The following RGS14 variants were observed in gnomAD, a reference collection of about 807,000 sequenced individuals.
RGS14 encodes the protein regulator of G protein signaling 14.
A neutral mutation model predicts 63.8 loss-of-function variants in RGS14; 33 were observed. The ratio of observed to expected loss-of-function variants is 0.52; its 90% CI spans 0.39 to 0.69. The LOEUF is 0.69. Among genes scored for constraint, RGS14 ranks in the 30% least tolerant of loss-of-function variants. The pLI is 0.00. For synonymous variants in RGS14, 296 were observed against 320.9 expected, an observed-to-expected ratio of 0.92 and a Z score of 0.83; for missense variants, 739 against 742.9, an observed-to-expected ratio of 0.99 and a Z score of 0.06.
In RGS14 at chr5:177,358,047, TG is replaced by T; in HGVS notation, c.26del (p.Gly9AlafsTer16). On this transcript the variant is annotated frameshift_variant, in exon 1 of 15. Transcript: ENST00000408923. LOFTEE classifies it high-confidence loss of function. The surrounding 1 kb of genome is among the most constrained non-coding windows in gnomAD (Gnocchi z 4.8). The part of the protein sequence containing the change: MPGKPKH[L>X]GVPNGRMVLA... ...GGCATGCCAGGGAAGCCCAAGCACC[TG>T]GGCGTCCCCAACGGGCGCATGGTGA... 2 of 1,356,766 alleles carry T rather than the reference TG, an allele frequency of 1.5e-6. No individual in the cohort carries two copies. Among genetic ancestry groups the T allele is most frequent in the Non-Finnish European group, 1.9e-6 (2 of 1,044,782 alleles). The allele number at this position is 1,356,766 out of a possible 1,614,324, so 84.0% of individuals were successfully genotyped here. A position where few individuals can be genotyped will look rare whatever the true frequency, so the allele number is the denominator to read the frequency against.
Position 177,364,673 on chromosome 5 carries a change from A to C in RGS14, c.46-1290A>C, listed in dbSNP as rs912278438. ...CAGAGAGGGGTTGAGGCCACATTGCATGAGTGGGAGATAGTGGGGAAGCTG... is the reference window on the plus strand; with the variant it reads ...CAGAGAGGGGTTGAGGCCACATTGCCTGAGTGGGAGATAGTGGGGAAGCTG... On this transcript the variant is annotated intron_variant, in intron 1 of 14. Transcript: ENST00000408923. This position sits in a 1 kb window ranked among gnomAD's most constrained non-coding sequence, Gnocchi z 4.6. Among the ~76,000 whole-genome samples, 10 of 152,182 alleles carry C rather than the reference A, an allele frequency of 6.6e-5. No individual in the cohort carries two copies. The highest frequency in any genetic ancestry group is 2.4e-4 in the African/African-American group (10 of 41,440).
Position 177,371,634 on chromosome 5 carries a change from G to C in RGS14, c.1498+45G>C. On this transcript the variant is annotated intron_variant, in intron 14 of 14. Coordinates refer to ENST00000408923, the MANE Select transcript of RGS14 (RefSeq NM_006480.5). The surrounding 1 kb of genome is among the most constrained non-coding windows in gnomAD (Gnocchi z 6.1). ...GGGATCAGAAAGACTAGGGCAGTGG[G>C]GTTGGGGACCATTCAGGGTGGCATC... 6.4e-7 allele frequency: 1 copy of C among 1,570,628 alleles called. No homozygotes were observed. Among genetic ancestry groups the C allele is most frequent in the Non-Finnish European group, 8.8e-7 (1 of 1,140,950 alleles).
Position 177,359,063 on chromosome 5 carries a change from C to A in RGS14, c.45+994C>A, listed in dbSNP as rs571658779. 6.6e-6 allele frequency among the ~76,000 whole-genome samples: 1 copy of A among 152,194 alleles called. No individual in the cohort carries two copies. Among genetic ancestry groups the A allele is most frequent in the Non-Finnish European group, 1.5e-5 (1 of 68,030 alleles). Reference sequence around the variant, plus strand: ...GAAATAATGCATATGAGGCCTTTGACCCATTGTGGGGGCTGCATAATTGTC... The same window carrying A: ...GAAATAATGCATATGAGGCCTTTGAACCATTGTGGGGGCTGCATAATTGTC... On this transcript the variant is annotated intron_variant, in intron 1 of 14. Coordinates refer to ENST00000408923, the MANE Select transcript of RGS14 (RefSeq NM_006480.5). The surrounding 1 kb of genome is among the most constrained non-coding windows in gnomAD (Gnocchi z 4.4).
chr5:177,365,964 T>C lies in RGS14; in HGVS notation c.47T>C (p.Val16Ala). The change falls in exon 2 of 15, where the codon GTT (valine) becomes GCT (alanine). Residue 16 changes from valine (V) to alanine (A), a missense_variant and splice_region_variant. Val to Ala is a moderately conservative substitution (Grantham distance 64). Coordinates refer to ENST00000408923, the MANE Select transcript of RGS14 (RefSeq NM_006480.5). ...CTTTCTCTGTTGGGTCTCTTATAGG[T>C]TCTGGCTGTGTCAGATGGAGGTAAG... ...KHLGVPNGRM[V>A]LAVSDGELSS... 6.2e-7 allele frequency: 1 copy of C among 1,614,120 alleles called. No homozygotes were observed. The highest frequency in any genetic ancestry group is 8.5e-7 in the Non-Finnish European group (1 of 1,179,938).
In RGS14 at chr5:177,372,090, T is replaced by C; in HGVS notation, c.*15T>C. The stretch of plus-strand genomic sequence containing the variant: ...CAGCCCTCTGACAGCTACCCAACAG[T>C]CCAGGACAGCTGCATGGCACCCGGC... On this transcript the variant is annotated 3_prime_UTR_variant, in exon 15 of 15. Transcript: ENST00000408923. 6.2e-7 allele frequency: 1 copy of C among 1,610,252 alleles called. No individual in the cohort carries two copies. The highest frequency in any genetic ancestry group is 8.5e-7 in the Non-Finnish European group (1 of 1,177,368).
At chr5:177,367,089 G>A in intron 5 of RGS14, 55 bp downstream of exon 5, 1 of 1,557,818 alleles carries the variant, frequency 6.4e-7, no homozygotes, top group Non-Finnish European at 8.7e-7. Context: ...AGCAGGGGCG[G>A]GGTCGGACCC....
intron 1 of RGS14, among the ~76,000 whole-genome samples, chr5:177,360,410 T>G (rs1355005563): frequency 6.6e-6 from 1 of 151,596 alleles, no homozygotes; most frequent in East Asian, 1.9e-4. Context: ...CCCATCTTCT[T>G]TTTAATTAGC....
chr5:177,359,282 A>T lies in RGS14; in HGVS notation c.45+1213A>T, dbSNP rs1457095015. ...AGAGGCCACCCTTCAAAGCCAGCTC[A>T]GCCCCCCATCTCACTGTCTGCAGTA... On this transcript the variant is annotated intron_variant, in intron 1 of 14. Coordinates refer to ENST00000408923, the MANE Select transcript of RGS14 (RefSeq NM_006480.5). This position sits in a 1 kb window ranked among gnomAD's most constrained non-coding sequence, Gnocchi z 4.4. Among the ~76,000 whole-genome samples, 3 of 152,034 alleles carry T rather than the reference A, an allele frequency of 2.0e-5. No homozygotes were observed. Among genetic ancestry groups the T allele is most frequent in the African/African-American group, 7.2e-5 (3 of 41,408 alleles).
rs1761902702 is a variant in RGS14, at chr5:177,359,310, G to A, written c.45+1241G>A. 6.6e-6 allele frequency among the ~76,000 whole-genome samples: 1 copy of A among 151,998 alleles called. No homozygotes were observed. The highest frequency in any genetic ancestry group is 1.9e-4 in the East Asian group (1 of 5,176). On this transcript the variant is annotated intron_variant, in intron 1 of 14. Transcript: ENST00000408923. The surrounding 1 kb of genome is among the most constrained non-coding windows in gnomAD (Gnocchi z 4.4). The stretch of plus-strand genomic sequence containing the variant: ...CCCCCATCTCACTGTCTGCAGTACC[G>A]ACCCCACAACGAAAGTGCAAAAAGA...
At position 177,371,767 on chromosome 5, in the gene RGS14, T is replaced by A; in HGVS notation, c.1499-106T>A. On this transcript the variant is annotated intron_variant, in intron 14 of 14. Transcript: ENST00000408923. This position sits in a 1 kb window ranked among gnomAD's most constrained non-coding sequence, Gnocchi z 6.1. Reference sequence around the variant, plus strand: ...GGAACAGGGGGCCGCAGGCCATTGGTGCTGGGGCCAGGGAGGCAGTGGCCA... The same window carrying A: ...GGAACAGGGGGCCGCAGGCCATTGGAGCTGGGGCCAGGGAGGCAGTGGCCA... 1 of 1,329,812 alleles carries A rather than the reference T, an allele frequency of 7.5e-7. No individual in the cohort carries two copies. The highest frequency in any genetic ancestry group is 1.0e-6 in the Non-Finnish European group (1 of 957,568). 82.4% of individuals were successfully genotyped at this position (1,329,812 alleles called of 1,614,324 possible).
intron 7 of RGS14, 40 bp downstream of exon 7, chr5:177,367,865 G>A: frequency 6.6e-7 from 1 of 1,513,498 alleles, no homozygotes; most frequent in Non-Finnish European, 8.8e-7. Flanking sequence ...GGGGAAGGCG[G>A]GAGTTTGGTT....
rs1397324796 is a variant in RGS14, at chr5:177,370,998, C to T, written c.1221C>T (p.His407=). 7 of 1,601,240 alleles carry T rather than the reference C, an allele frequency of 4.4e-6. No individual in the cohort carries two copies. Among genetic ancestry groups the T allele is most frequent in the African/African-American group, 1.4e-5 (1 of 74,058 alleles). ...QEALQPILEK[H]GLSPLEVVLH... Reference sequence around the variant, plus strand: ...CGCTGCAGCCCATTCTGGAGAAGCACGGCTTGAGCCCGCTAGAGGTGGTGC... The same window carrying T: ...CGCTGCAGCCCATTCTGGAGAAGCATGGCTTGAGCCCGCTAGAGGTGGTGC... Residue 407 remains histidine (H), a synonymous_variant, in exon 11 of 15, where the codon CAC becomes CAT. Coordinates refer to ENST00000408923, the MANE Select transcript of RGS14 (RefSeq NM_006480.5).
At position 177,368,724 on chromosome 5, in the gene RGS14, G is replaced by T. The variant is rs201429384; in HGVS notation, c.857G>T (p.Arg286Leu). ...ACTCCTGCCATGAATCAGAGCCACCGGAAGAGCCTTGGGAGCACGGAGGGT... is the reference window on the plus strand; with the variant it reads ...ACTCCTGCCATGAATCAGAGCCACCTGAAGAGCCTTGGGAGCACGGAGGGT... ...AFVSSKSESH[R>L]KSLGSTEGES... The change falls in exon 9 of 15, where the codon CGG becomes CTG. Residue 286 changes from arginine (R) to leucine (L), a missense_variant. Transcript: ENST00000408923. 6.2e-7 allele frequency: 1 copy of T among 1,614,048 alleles called. No homozygotes were observed.
In RGS14 at chr5:177,371,092, CG is replaced by C. The variant is rs375743402; in HGVS notation, c.1254+65del. 790 of 874,646 alleles carry C rather than the reference CG, an allele frequency of 9.0e-4. 7 individuals carry two copies. In the African/African-American group the frequency reaches 0.029, roughly 32 times the overall value. The allele number at this position is 874,646 out of a possible 1,614,324, so 54.2% of individuals were successfully genotyped here. On this transcript the variant is annotated intron_variant, in intron 11 of 14. Coordinates refer to ENST00000408923, the MANE Select transcript of RGS14 (RefSeq NM_006480.5). This position sits in a 1 kb window ranked among gnomAD's most constrained non-coding sequence, Gnocchi z 6.1. ...GCCGGGCCGGGGCCGGGGCCGGGGC[CG>C]GGGCCGGGGCCGGGGCCGGGGCCGG...
intron 9 of RGS14, among the ~76,000 whole-genome samples, chr5:177,369,864 T>G (rs1236533016): frequency 6.6e-6 from 1 of 152,192 alleles, no homozygotes; most frequent in Non-Finnish European, 1.5e-5. Flanking sequence ...TATAACTTCC[T>G]CACCCACACT....
intron 1 of RGS14, among the ~76,000 whole-genome samples, chr5:177,363,245 G>C (rs1160112640): frequency 1.3e-5 from 2 of 151,978 alleles, no homozygotes. Context: ...GGGAAGCACC[G>C]ACTTTCGTTG....
At chr5:177,363,018 G>A (rs1400946395) in intron 1 of RGS14, among the ~76,000 whole-genome samples, 1 of 152,150 alleles carries the variant, frequency 6.6e-6, no homozygotes, top group Non-Finnish European at 1.5e-5. Context: ...GGAGGGGGGC[G>A]AGTCCGGGTG....
In RGS14 at chr5:177,365,941, TTC is replaced by T; in HGVS notation, c.46-18_46-17del. 3.1e-6 allele frequency: 5 copies of T among 1,613,780 alleles called. No individual in the cohort carries two copies. The highest frequency in any genetic ancestry group is 4.2e-6 in the Non-Finnish European group (5 of 1,179,638). On this transcript the variant is annotated intron_variant, in intron 1 of 14. Transcript: ENST00000408923. Reference sequence around the variant, plus strand: ...GAATCCTCACTGGGCTCTTCTGACTTTCTCTGTTGGGTCTCTTATAGGTTCTG... The same window carrying T: ...GAATCCTCACTGGGCTCTTCTGACTTTCTGTTGGGTCTCTTATAGGTTCTG...
At chr5:177,367,376 C>T in intron 5 of RGS14, 38 bp from the exon 6 acceptor site, 2 of 1,559,018 alleles carry the variant, frequency 1.3e-6, no homozygotes, top group African/African-American at 1.4e-5. Flanking sequence ...GCGCCCCCAC[C>T]CCAGCCCCGG....
Sources: allele counts gnomAD v4.1 joint callset (sites outside exome capture counted in the v4.1 genomes callset), GRCh38; gene constraint gnomAD v4.1.1; non-coding constraint Gnocchi (gnomAD v3.1); transcripts MANE v1.5; gene names NCBI Gene and HGNC (gene_info 2026-07-23, HGNC 2026-07-21).